Variants in PLCH1 observed in about 807,000 individuals in gnomAD.
PLCH1 encodes phospholipase C eta 1, also known as 1-phosphatidylinositol 4,5-bisphosphate phosphodiesterase eta-1.
A neutral mutation model predicts 126.7 loss-of-function variants in PLCH1; 60 were observed. The ratio of observed to expected loss-of-function variants is 0.47; its 90% confidence interval spans 0.38 to 0.59. The LOEUF (loss-of-function observed/expected upper bound fraction) is 0.59, where lower values mean the gene tolerates loss of function less well. Among genes scored for constraint, PLCH1 ranks in the 20% least tolerant of loss-of-function variants. The pLI is 0.00. For missense variants in PLCH1, 1,723 were observed against 2,040.0 expected, an observed-to-expected ratio of 0.84 and a Z score of 2.99; for synonymous variants, 719 against 734.9, an observed-to-expected ratio of 0.98 and a Z score of 0.35.
intron 2 of PLCH1, among the ~76,000 whole-genome samples, chr3:155,680,950 T>C (rs545235204): frequency 3.7e-4 from 57 of 152,058 alleles, no homozygotes; most frequent in African/African-American, 1.1e-3. Flanking sequence ...AAAAGGAGGA[T>C]ACAAACTAAC....
chr3:155,554,905 T>C (rs1474649312), intron 8 of PLCH1, among the ~76,000 whole-genome samples: 1 of 152,232 alleles, frequency 6.6e-6, no homozygotes, highest in Non-Finnish European at 1.5e-5. Flanking sequence ...TGATTGTTAT[T>C]GATACTATTA....
At chr3:155,522,412 G>T (rs1279428517) in intron 11 of PLCH1, among the ~76,000 whole-genome samples, 1 of 152,036 alleles carries the variant, frequency 6.6e-6, no homozygotes, top group African/African-American at 2.4e-5. Context: ...ATTTAATTTT[G>T]CTAACATAAA....
chr3:155,564,147 T>A (rs553626800), intron 8 of PLCH1, among the ~76,000 whole-genome samples: 1 of 152,208 alleles, frequency 6.6e-6, no homozygotes, highest in African/African-American at 2.4e-5. Flanking sequence ...TCATCCCTTC[T>A]ACTAGACTGT....
At chr3:155,557,197 G>A (rs896934203) in intron 8 of PLCH1, among the ~76,000 whole-genome samples, 7 of 152,108 alleles carry the variant, frequency 4.6e-5, no homozygotes, top group African/African-American at 1.4e-4. Context: ...CCATGTACTT[G>A]ACAGTCTTTA....
intron 10 of PLCH1, among the ~76,000 whole-genome samples, chr3:155,547,289 A>T (rs1725467422): frequency 6.6e-6 from 1 of 151,850 alleles, no homozygotes; most frequent in Non-Finnish European, 1.5e-5. Flanking sequence ...ACATGAAAAA[A>T]TGCTCACCAT....
intron 10 of PLCH1, among the ~76,000 whole-genome samples, chr3:155,549,263 C>T (rs928377735): frequency 3.3e-5 from 5 of 152,336 alleles, no homozygotes; most frequent in East Asian, 1.9e-4. Context: ...CTCTTTCACA[C>T]GTACATGAGT....
At chr3:155,670,542 T>C (rs1743306017) in intron 2 of PLCH1, among the ~76,000 whole-genome samples, 2 of 152,132 alleles carry the variant, frequency 1.3e-5, no homozygotes, top group Non-Finnish European at 2.9e-5. Context: ...AGCTCACTCA[T>C]GGTAGCTTCT....
chr3:155,718,932 G>C (rs1559961225), intron 1 of PLCH1, among the ~76,000 whole-genome samples: 1 of 152,012 alleles, frequency 6.6e-6, no homozygotes, highest in Non-Finnish European at 1.5e-5. Flanking sequence ...TCAATTTTTT[G>C]CTGAATATAT....
At chr3:155,653,710 T>C (rs1741045034) in intron 2 of PLCH1, among the ~76,000 whole-genome samples, 1 of 152,154 alleles carries the variant, frequency 6.6e-6, no homozygotes, top group Non-Finnish European at 1.5e-5. Context: ...TAACTTTGCT[T>C]CTAATTTCAC....
At chr3:155,623,804 C>T (rs950847211) in intron 2 of PLCH1, among the ~76,000 whole-genome samples, 2 of 152,164 alleles carry the variant, frequency 1.3e-5, no homozygotes, top group African/African-American at 4.8e-5. Context: ...GATTCACAGT[C>T]GAATTCTACC....
intron 1 of PLCH1, among the ~76,000 whole-genome samples, chr3:155,731,360 A>G (rs899506123): frequency 2.0e-5 from 3 of 152,102 alleles, no homozygotes; most frequent in Non-Finnish European, 4.4e-5. Context: ...CACAAACAAC[A>G]AACTCCAAGT....
chr3:155,477,205 A>T (rs1713582110), downstream of PLCH1, among the ~76,000 whole-genome samples: 1 of 152,150 alleles, frequency 6.6e-6, no homozygotes, highest in Non-Finnish European at 1.5e-5. Flanking sequence ...TATATACAAG[A>T]TAAAGAAAAT....
intron 2 of PLCH1, among the ~76,000 whole-genome samples, chr3:155,673,720 C>T (rs754574338): frequency 1.3e-5 from 2 of 152,114 alleles, no homozygotes; most frequent in Non-Finnish European, 2.9e-5. Context: ...GCTATGGTTT[C>T]TTCCTGCTCA....
chr3:155,662,892 G>A (rs960332023), intron 2 of PLCH1, among the ~76,000 whole-genome samples: 1 of 152,186 alleles, frequency 6.6e-6, no homozygotes, highest in Non-Finnish European at 1.5e-5. Context: ...TTGAACTCCT[G>A]ACCTCAGGTA....
At chr3:155,517,076 C>G (rs138722036) in intron 11 of PLCH1, among the ~76,000 whole-genome samples, 2,012 of 152,176 alleles carry the variant, frequency 0.013, 45 homozygotes, top group African/African-American at 0.046. Flanking sequence ...GGAGGCCAAA[C>G]TGGGAGGATC....
At chr3:155,666,845 A>G (rs949417558) in intron 2 of PLCH1, among the ~76,000 whole-genome samples, 1 of 152,118 alleles carries the variant, frequency 6.6e-6, no homozygotes, top group Non-Finnish European at 1.5e-5. Context: ...TAGAAAACTA[A>G]TATAGGTTGT....
intron 1 of PLCH1, among the ~76,000 whole-genome samples, chr3:155,738,157 C>T (rs529304492): frequency 6.6e-6 from 1 of 152,292 alleles, no homozygotes; most frequent in East Asian, 1.9e-4. Flanking sequence ...CAGAAAACAA[C>T]TAAAGAGCAA....
chr3:155,593,147 G>A (rs570802350), intron 4 of PLCH1, among the ~76,000 whole-genome samples: 1 of 152,062 alleles, frequency 6.6e-6, no homozygotes, highest in Non-Finnish European at 1.5e-5. Context: ...AGAGACACCT[G>A]TATTTTAAGG....
chr3:155,601,940 T>C (rs1162709102), intron 2 of PLCH1, among the ~76,000 whole-genome samples: 1 of 152,150 alleles, frequency 6.6e-6, no homozygotes, highest in Non-Finnish European at 1.5e-5. Context: ...AATAAAATCA[T>C]ATAATATGCA....
Sources: allele counts gnomAD v4.1 joint callset (sites outside exome capture counted in the v4.1 genomes callset), GRCh38; gene constraint gnomAD v4.1.1; transcripts MANE v1.5; gene names NCBI Gene and HGNC (gene_info 2026-07-23, HGNC 2026-07-21).